MTMR14: variants seen among roughly 807,000 people sequenced by gnomAD.
MTMR14 encodes myotubularin related protein 14, also known as phosphatidylinositol-3,5-bisphosphate 3-phosphatase MTMR14.
In MTMR14, 48 loss-of-function variants were observed where a neutral mutation model predicts 86.3. That is an observed-to-expected ratio of 0.56 (90% CI 0.44 to 0.71). MTMR14 has a LOEUF of 0.71. Among genes scored for constraint, MTMR14 ranks in the 30% least tolerant of loss-of-function variants. The pLI, the probability that MTMR14 is intolerant of heterozygous loss-of-function variation, is 0.00. For synonymous variants in MTMR14, 366 were observed against 326.1 expected (o/e 1.12, Z -1.32); for missense variants, 780 against 834.6 (o/e 0.93, Z 0.81).
At chr3:9,682,125 G>T (rs898896688) in intron 9 of MTMR14, among the ~76,000 whole-genome samples, 1 of 152,210 alleles carries the variant, frequency 6.6e-6, no homozygotes. Context: ...ATTGGCAATG[G>T]TGTGTCTGAC....
chr3:9,687,802 G>A lies in MTMR14; in HGVS notation c.1165-19G>A. 1 of 1,561,928 alleles carries A rather than the reference G, an allele frequency of 6.4e-7. No individual in the cohort carries two copies. The highest frequency in any genetic ancestry group is 8.7e-7 in the Non-Finnish European group (1 of 1,151,144). ...GCCTTGGTTCTTCTCATTGTGCGCT[G>A]CTCTTTGGTCTCCTTTAGATTTTCT... On this transcript the variant is annotated intron_variant, in intron 13 of 18. Transcript: ENST00000296003.
chr3:9,689,560 G>T (rs1441600270), intron 16 of MTMR14, among the ~76,000 whole-genome samples: 1 of 152,116 alleles, frequency 6.6e-6, no homozygotes, highest in Non-Finnish European at 1.5e-5. Flanking sequence ...CCTGAGTGGT[G>T]GCTTATATTT....
At chr3:9,671,328 C>T (rs1178660018) in intron 6 of MTMR14, among the ~76,000 whole-genome samples, 158 bp downstream of exon 6, 2 of 152,150 alleles carry the variant, frequency 1.3e-5, no homozygotes, top group Non-Finnish European at 2.9e-5. Context: ...AAAATAGGTA[C>T]CAGTGTCCCC....
chr3:9,657,696 G>A (rs9867136), intron 2 of MTMR14, among the ~76,000 whole-genome samples: 3,490 of 152,154 alleles, frequency 0.023, 130 homozygotes, highest in African/African-American at 0.079. Flanking sequence ...GATTACAGGC[G>A]CGTGCCACCA....
chr3:9,679,444 C>T (rs559755328), intron 9 of MTMR14, among the ~76,000 whole-genome samples: 12 of 152,324 alleles, frequency 7.9e-5, no homozygotes, highest in South Asian at 4.1e-4. Flanking sequence ...TGGTCCCTTC[C>T]GGCACCATTT....
At chr3:9,698,556 C>T (rs1209475142) in intron 18 of MTMR14, among the ~76,000 whole-genome samples, 1 of 152,246 alleles carries the variant, frequency 6.6e-6, no homozygotes. Context: ...TCTCAGCAAG[C>T]CTTCCATACC....
Position 9,653,740 on chromosome 3 carries a change from G to C in MTMR14, c.279G>C (p.Glu93Asp). The C allele has an allele frequency of 6.2e-7, 1 of 1,614,200 alleles. No homozygotes were observed. The highest frequency in any genetic ancestry group is 8.5e-7 in the Non-Finnish European group (1 of 1,180,040). Residue 93 changes from glutamate to aspartate, a missense_variant, in exon 2 of 19, where the codon GAG becomes GAC. By Grantham distance (45) the Glu-to-Asp change is conservative. Coordinates refer to ENST00000296003, the MANE Select transcript of MTMR14 (RefSeq NM_001077525.3). ...GHYPRHIVFLEYESSEKEKDT... is the reference protein window; with the variant it reads ...GHYPRHIVFLDYESSEKEKDT... ...ATCCCCGGCACATCGTGTTCCTGGA[G>C]TATGAGAGTTCTGAGAAGGAGAAAG... is the stretch of plus-strand genomic sequence containing the variant.
intron 7 of MTMR14, among the ~76,000 whole-genome samples, chr3:9,674,873 A>G (rs1277955440): frequency 6.6e-6 from 1 of 152,232 alleles, no homozygotes; most frequent in East Asian, 1.9e-4. Flanking sequence ...GCACTTTGGG[A>G]GGCTGAGGCA....
chr3:9,694,686 G>A lies in MTMR14; in HGVS notation c.1614-3025G>A, dbSNP rs923128204. ...CTCTGTCATGGCACTAGGCAGCTGC[G>A]TAAAAGGCCAGGCCTCCATCCCGAC... On this transcript the variant is annotated intron_variant, in intron 17 of 18. Coordinates refer to ENST00000296003, the MANE Select transcript of MTMR14 (RefSeq NM_001077525.3). Among the ~76,000 whole-genome samples the A allele has an allele frequency of 3.9e-5, 6 of 152,200 alleles. 1 individual carries two copies. The highest frequency in any genetic ancestry group is 1.4e-4 in the African/African-American group (6 of 41,446).
At chr3:9,672,663 AC>A (rs759796642) in intron 6 of MTMR14, 21 bp from the exon 7 acceptor site, 1 of 1,608,054 alleles carries the variant, frequency 6.2e-7, no homozygotes, top group South Asian at 1.1e-5. Context: ...ACACTGTAAC[AC>A]ATTGTATCCT....
chr3:9,687,981 C>A, intron 14 of MTMR14, 90 bp downstream of exon 14: 1 of 1,086,120 alleles, frequency 9.2e-7, no homozygotes, highest in Non-Finnish European at 1.4e-6. Context: ...ACCTCATTCC[C>A]GCCCTGCCTC....
At chr3:9,698,926 AG>A (rs1338546943) in intron 18 of MTMR14, among the ~76,000 whole-genome samples, 2 of 151,996 alleles carry the variant, frequency 1.3e-5, no homozygotes, top group Non-Finnish European at 2.9e-5. Context: ...CCCAGCACTT[AG>A]GGAGGCCGAG....
intron 17 of MTMR14, among the ~76,000 whole-genome samples, chr3:9,691,104 C>T (rs1347185917): frequency 1.3e-5 from 2 of 152,234 alleles, no homozygotes; most frequent in Non-Finnish European, 2.9e-5. Flanking sequence ...TGGGGAAGAA[C>T]ATCCTCTGCA....
intron 1 of MTMR14, chr3:9,650,637 CAAGTA>C: frequency 1.9e-5 from 5 of 260,716 alleles, no homozygotes; most frequent in South Asian, 1.8e-4. Flanking sequence ...GTAATTTTTC[CAAGTA>C]TAGTCTGGGG....
At chr3:9,691,069 G>A (rs2076124859) in intron 17 of MTMR14, among the ~76,000 whole-genome samples, 1 of 152,068 alleles carries the variant, frequency 6.6e-6, no homozygotes, top group African/African-American at 2.4e-5. Context: ...TTTCCCTCTG[G>A]GCAAAAACAG....
chr3:9,653,906 C>T lies in MTMR14; in HGVS notation c.308+137C>T. 3 of 1,192,130 alleles carry T rather than the reference C, an allele frequency of 2.5e-6. No individual in the cohort carries two copies. In the South Asian group the frequency reaches 3.7e-5, roughly 15 times the overall value. The allele number at this position is 1,192,130 out of a possible 1,614,324, so 73.8% of individuals were successfully genotyped here. A position where few individuals can be genotyped will look rare whatever the true frequency, so the allele number is the denominator to read the frequency against. ...TCCTTATTGGCATTTTTATTTACTT[C>T]AAGGTTGGACAAGTCAGACTGGCAA... On this transcript the variant is annotated intron_variant, in intron 2 of 18. Coordinates refer to ENST00000296003, the MANE Select transcript of MTMR14 (RefSeq NM_001077525.3).
rs534393465 is a variant in MTMR14 at position 9,666,233 on chromosome 3, T to C, written c.418-2486T>C. ...ACTGTAACCTCTGCCTCCCAGGCTC[T>C]AGCGATTCTTGTGCCTCAGCCTCCC... is the stretch of plus-strand genomic sequence containing the variant. On this transcript the variant is annotated intron_variant, in intron 3 of 18. Transcript: ENST00000296003. Among the ~76,000 whole-genome samples, 367 of 150,780 alleles carry C rather than the reference T, an allele frequency of 2.4e-3. 2 individuals are homozygous for C. Among genetic ancestry groups the C allele is most frequent in the African/African-American group, 8.7e-3 (356 of 41,008 alleles).
At chr3:9,696,469 G>A (rs559377540) in intron 17 of MTMR14, among the ~76,000 whole-genome samples, 2 of 152,332 alleles carry the variant, frequency 1.3e-5, no homozygotes, top group East Asian at 3.9e-4. Context: ...CTGAGATCAC[G>A]CCACTGCACT....
At position 9,671,152 on chromosome 3, in the gene MTMR14, A is replaced by G. The variant is rs2048548042; in HGVS notation, c.659A>G (p.Lys220Arg). 1 of 1,614,244 alleles carries G rather than the reference A, an allele frequency of 6.2e-7. No homozygotes were observed. Among genetic ancestry groups the G allele is most frequent in the Non-Finnish European group, 8.5e-7 (1 of 1,180,044 alleles). The change falls in exon 6 of 19, where the codon AAG (lysine) becomes AGG (arginine). Residue 220 changes from lysine to arginine, a missense_variant. Lys to Arg is a conservative substitution (Grantham distance 26). Transcript: ENST00000296003. ...TGTGACCTGATGGTGGAGAACAAGA[A>G]GGTGAAGTTTGGCATGAAGTAAGTA... ...YICDLMVENK[K>R]VKFGMNVTSS...
Sources: gnomAD v4.1 joint callset for allele counts (sites outside exome capture counted in the v4.1 genomes callset) on GRCh38, gnomAD v4.1.1 for gene constraint, MANE v1.5 for transcripts, NCBI Gene and HGNC (gene_info 2026-07-23, HGNC 2026-07-21) for gene names.